RPS6KC1: variants seen among roughly 807,000 people sequenced by gnomAD.
The protein encoded by RPS6KC1 is ribosomal protein S6 kinase C1.
RPS6KC1 carries 54 observed loss-of-function variants against 103.8 expected under a neutral mutation model. The ratio of observed to expected loss-of-function variants is 0.52; its 90% confidence interval spans 0.42 to 0.65. The LOEUF (loss-of-function observed/expected upper bound fraction) is 0.65, where lower values mean the gene tolerates loss of function less well. RPS6KC1 is among the 30% of genes least tolerant of loss of function. The pLI, the probability that RPS6KC1 is intolerant of heterozygous loss-of-function variation, is 0.00. For synonymous variants in RPS6KC1, 439 were observed against 438.7 expected, an observed-to-expected ratio of 1.00 and a Z score of -0.01; for missense variants, 1,151 against 1,253.8, an observed-to-expected ratio of 0.92 and a Z score of 1.24.
intron 1 of RPS6KC1, among the ~76,000 whole-genome samples, chr1:213,057,957 C>G (rs2077486132): frequency 6.6e-6 from 1 of 150,530 alleles, no homozygotes; most frequent in Admixed American, 6.6e-5. Flanking sequence ...AAATAGAGAC[C>G]CAGTTTCACC....
the RPS6KC1 span, among the ~76,000 whole-genome samples, chr1:213,358,527 C>T: frequency 4.6e-5 from 7 of 152,172 alleles, no homozygotes; most frequent in Admixed American, 3.3e-4. Flanking sequence ...TCTCTCTTTT[C>T]TTCTTTATTA....
the RPS6KC1 span, among the ~76,000 whole-genome samples, chr1:213,715,720 A>G: frequency 6.6e-6 from 1 of 152,246 alleles, no homozygotes. Flanking sequence ...CAATTGGATC[A>G]GATTAGTCCA....
At chr1:213,180,523 A>G (rs1385057940) in intron 8 of RPS6KC1, among the ~76,000 whole-genome samples, 2 of 152,046 alleles carry the variant, frequency 1.3e-5, no homozygotes, top group African/African-American at 2.4e-5. Context: ...ATTCAAGTGA[A>G]GGCTGAAAGA....
chr1:213,061,162 C>G (rs192369417), intron 1 of RPS6KC1, among the ~76,000 whole-genome samples: 180 of 152,256 alleles, frequency 1.2e-3, no homozygotes, highest in African/African-American at 3.2e-3. Context: ...ACATCCACAT[C>G]CATCACATTG....
At chr1:213,508,770 G>A in the RPS6KC1 span, among the ~76,000 whole-genome samples, 2 of 152,202 alleles carry the variant, frequency 1.3e-5, no homozygotes, top group African/African-American at 4.8e-5. Context: ...TTAACCTGAG[G>A]TGTGTCTTTT....
chr1:213,835,202 A>T, the RPS6KC1 span, among the ~76,000 whole-genome samples: 1 of 152,208 alleles, frequency 6.6e-6, no homozygotes, highest in East Asian at 1.9e-4. Context: ...CAGAGGCAGG[A>T]CCGGCTTGGA....
downstream of RPS6KC1, among the ~76,000 whole-genome samples, chr1:213,275,238 G>A (rs1375056713): frequency 6.6e-6 from 1 of 152,080 alleles, no homozygotes; most frequent in Non-Finnish European, 1.5e-5. Flanking sequence ...TCTACATTTT[G>A]GCTGTTGTGA....
At chr1:213,786,787 C>T in the RPS6KC1 span, among the ~76,000 whole-genome samples, 5 of 152,150 alleles carry the variant, frequency 3.3e-5, no homozygotes, top group South Asian at 2.1e-4. Context: ...GGCCTCACAA[C>T]CTTCTAAAAT....
intron 6 of RPS6KC1, among the ~76,000 whole-genome samples, chr1:213,155,599 C>T (rs1268441609): frequency 6.6e-6 from 1 of 152,198 alleles, no homozygotes; most frequent in East Asian, 1.9e-4. Flanking sequence ...CTCTCATAGA[C>T]ACTCTCTGCA....
chr1:213,094,097 C>A (rs1299464257), intron 3 of RPS6KC1, among the ~76,000 whole-genome samples: 1 of 147,646 alleles, frequency 6.8e-6, no homozygotes, highest in African/African-American at 2.5e-5. Flanking sequence ...CCCCCCCCCA[C>A]CAAGAGAATA....
chr1:213,696,738 A>T, the RPS6KC1 span, among the ~76,000 whole-genome samples: 2 of 152,098 alleles, frequency 1.3e-5, no homozygotes, highest in African/African-American at 2.4e-5. Flanking sequence ...AGAGGGAAAA[A>T]CCAAAGTGTT....
At chr1:213,371,269 G>A in the RPS6KC1 span, among the ~76,000 whole-genome samples, 1 of 152,116 alleles carries the variant, frequency 6.6e-6, no homozygotes, top group African/African-American at 2.4e-5. Flanking sequence ...TCCTGTTGTT[G>A]CATGTCAAAA....
the RPS6KC1 span, among the ~76,000 whole-genome samples, chr1:213,591,975 C>T: frequency 6.6e-6 from 1 of 152,284 alleles, no homozygotes; most frequent in African/African-American, 2.4e-5. Context: ...TCCAAGGTGT[C>T]TTCAGCTTAG....
At chr1:213,146,089 ATT>A (rs200586355) in intron 6 of RPS6KC1, among the ~76,000 whole-genome samples, 42 of 129,912 alleles carry the variant, frequency 3.2e-4, no homozygotes, top group African/African-American at 1.2e-3. Context: ...TCATGAATTC[ATT>A]TTTTTTTTTT....
the RPS6KC1 span, among the ~76,000 whole-genome samples, chr1:213,512,024 T>A: frequency 6.6e-6 from 1 of 152,198 alleles, no homozygotes; most frequent in African/African-American, 2.4e-5. Context: ...TAAATGAGCA[T>A]GTGAGGCCTT....
the RPS6KC1 span, among the ~76,000 whole-genome samples, chr1:213,548,963 A>G: frequency 2.0e-5 from 3 of 152,216 alleles, no homozygotes; most frequent in Non-Finnish European, 4.4e-5. Context: ...AATCCTGTTT[A>G]TGGGAGGGAA....
chr1:213,349,874 C>A, the RPS6KC1 span, among the ~76,000 whole-genome samples: 1 of 152,184 alleles, frequency 6.6e-6, no homozygotes, highest in South Asian at 2.1e-4. Context: ...ATTAACATTT[C>A]TGTTCCCAGA....
At chr1:213,644,464 CG>C in the RPS6KC1 span, among the ~76,000 whole-genome samples, 1 of 152,086 alleles carries the variant, frequency 6.6e-6, no homozygotes, top group Admixed American at 6.6e-5. Context: ...CACATATCCA[CG>C]AGTACAGTAT....
chr1:213,387,501 A>C, the RPS6KC1 span, among the ~76,000 whole-genome samples: 1,010 of 152,240 alleles, frequency 6.6e-3, 8 homozygotes, highest in African/African-American at 0.023. Flanking sequence ...TAATGAGCCT[A>C]TTGTGTACCA....
Sources: allele counts gnomAD v4.1 joint callset (sites outside exome capture counted in the v4.1 genomes callset), GRCh38; gene constraint gnomAD v4.1.1; transcripts MANE v1.5; gene names NCBI Gene and HGNC (gene_info 2026-07-23, HGNC 2026-07-21).